Variants in SYNE2 observed in about 807,000 individuals in gnomAD.
SYNE2 encodes nesprin-2.
Under a neutral mutation model 856.3 loss-of-function variants are expected in SYNE2, and 431 were observed. The observed-to-expected ratio is 0.50, with a 90% CI of 0.47 to 0.55. SYNE2 has a LOEUF of 0.55. Among genes scored for constraint, SYNE2 ranks in the 20% least tolerant of loss-of-function variants. The pLI is 0.00. For missense variants in SYNE2, 8,129 were observed against 8,023.2 expected (o/e 1.01, Z -0.50); for synonymous variants, 2,923 against 2,872.3 (o/e 1.02, Z -0.56).
intron 32 of SYNE2, 25 bp from the exon 33 acceptor site, chr14:64,016,444 CAGAA>C: frequency 6.9e-7 from 1 of 1,455,026 alleles, no homozygotes. Flanking sequence ...ATCAAAATAT[CAGAA>C]ATAACTTTCA....
intron 12 of SYNE2, 59 bp from the exon 13 acceptor site, chr14:63,977,845 AC>A: frequency 8.4e-7 from 1 of 1,185,072 alleles, no homozygotes; most frequent in Non-Finnish European, 1.3e-6. Context: ...AGATTGACAA[AC>A]CCTTAATTAC....
At chr14:63,936,112 AT>A (rs1374040235) in intron 2 of SYNE2, among the ~76,000 whole-genome samples, 1 of 152,192 alleles carries the variant, frequency 6.6e-6, no homozygotes, top group African/African-American at 2.4e-5. Flanking sequence ...TGACCTTGTG[AT>A]CCGCCCACCT....
intron 1 of SYNE2, among the ~76,000 whole-genome samples, chr14:63,811,180 A>C (rs1184620512): frequency 2.0e-5 from 3 of 152,090 alleles, no homozygotes; most frequent in Non-Finnish European, 4.4e-5. Context: ...TATTTGCATG[A>C]GTTTAATAAG....
rs372597797 is a variant in SYNE2 at position 64,053,613 on chromosome 14, G to C, written c.9700G>C (p.Glu3234Gln). The change falls in exon 48 of 116, where the codon GAA becomes CAA. Residue 3234 changes from glutamate (E) to glutamine (Q), a missense_variant. By Grantham distance (29) the Glu-to-Gln change is conservative. Coordinates refer to ENST00000555002, the MANE Select transcript of SYNE2 (RefSeq NM_182914.3). ...TGTGGAGACAAAACTACGTGAGTTT[G>C]AAGATCTTCAGATGCAGCTTAACAC... The part of the protein sequence containing the change: ...SDVETKLREF[E>Q]DLQMQLNTSI... The C allele has an allele frequency of 7.3e-5, 118 of 1,613,016 alleles. 3 individuals are homozygous for C. In the South Asian group the frequency reaches 8.4e-4, roughly 11 times the overall value.
At chr14:64,202,057 A>G (rs2098571788) in intron 99 of SYNE2, 2 of 635,636 alleles carry the variant, frequency 3.1e-6, no homozygotes, top group Non-Finnish European at 5.7e-6. Flanking sequence ...AGTTGTACTC[A>G]TGCCATGCGT....
intron 6 of SYNE2, among the ~76,000 whole-genome samples, chr14:63,947,143 C>T (rs1010436901): frequency 6.6e-6 from 1 of 152,156 alleles, no homozygotes; most frequent in Non-Finnish European, 1.5e-5. Context: ...AGCCACCATG[C>T]CTGGCCTGTT....
chr14:63,948,684 A>G (rs1366489634), intron 6 of SYNE2, among the ~76,000 whole-genome samples: 3 of 133,796 alleles, frequency 2.2e-5, no homozygotes, highest in Non-Finnish European at 3.2e-5. Context: ...TTATATATAT[A>G]TGTGTGTATA....
At position 63,886,270 on chromosome 14, in the gene SYNE2, C is replaced by T. The variant is rs371266650; in HGVS notation, c.-51-22828C>T. Among the ~76,000 whole-genome samples the T allele has an allele frequency of 1.1e-3, 164 of 152,216 alleles. 4 individuals are homozygous for T. The South Asian group carries it at 0.034, about 31-fold the overall frequency. On this transcript the variant is annotated intron_variant, in intron 1 of 115. Transcript: ENST00000555002. ...CCCAGGAGTGAGGACCCTAATGTAC[C>T]AACAGGAAGATGTGTGCTTAGGTAA...
intron 65 of SYNE2, among the ~76,000 whole-genome samples, chr14:64,109,276 A>G (rs566129435): frequency 1.5e-4 from 23 of 151,184 alleles, no homozygotes; most frequent in Non-Finnish European, 2.8e-4. Context: ...AATGATGACA[A>G]TAAAGAGAAG....
Position 64,225,433 on chromosome 14 carries a change from CTCCGAAGAAGACTACAGCTGCACTCA to C in SYNE2, c.20632_20657del (p.Ser6878GlyfsTer35). On this transcript the variant is annotated frameshift_variant, in exon 116 of 116. Transcript: ENST00000555002. LOFTEE classifies it high-confidence loss of function. Reference sequence around the variant, plus strand: ...TGCTCCTGGCCTGCCTGCTGCCCTCCTCCGAAGAAGACTACAGCTGCACTCAGGCCAACAACTTTGCCCGGTCCTTT... The same window carrying C: ...TGCTCCTGGCCTGCCTGCTGCCCTCCGGCCAACAACTTTGCCCGGTCCTTT... The C allele has an allele frequency of 6.2e-7, 1 of 1,614,174 alleles. No individual in the cohort carries two copies. Among genetic ancestry groups the C allele is most frequent in the Non-Finnish European group, 8.5e-7 (1 of 1,180,000 alleles).
At chr14:63,834,328 C>T (rs938823858) in intron 1 of SYNE2, among the ~76,000 whole-genome samples, 16 of 151,844 alleles carry the variant, frequency 1.1e-4, no homozygotes, top group African/African-American at 3.6e-4. Context: ...GTACCCCTGC[C>T]CTCCAGCCTG....
chr14:64,083,455 T>C (rs778409567), intron 57 of SYNE2, among the ~76,000 whole-genome samples: 1 of 152,086 alleles, frequency 6.6e-6, no homozygotes, highest in Non-Finnish European at 1.5e-5. Context: ...GCTGGGATTT[T>C]GCTACCTTCT....
intron 85 of SYNE2, among the ~76,000 whole-genome samples, chr14:64,157,195 A>G (rs964588982): frequency 6.6e-6 from 1 of 152,252 alleles, no homozygotes; most frequent in Non-Finnish European, 1.5e-5. Context: ...ATCTCATTAC[A>G]GAACATTTTC....
chr14:63,881,871 G>T lies in SYNE2; in HGVS notation c.-51-27227G>T, dbSNP rs1427294217. Among the ~76,000 whole-genome samples, 4 of 152,266 alleles carry T rather than the reference G, an allele frequency of 2.6e-5. No homozygotes were observed. The East Asian group carries it at 5.8e-4, about 22-fold the overall frequency. ...TGGAACCTGTAACATATTTCTGATT[G>T]ACCAGCCAGATAGACTATTGAATTA... On this transcript the variant is annotated intron_variant, in intron 1 of 115. Transcript: ENST00000555002.
chr14:64,056,022 C>G lies in SYNE2; in HGVS notation c.9823C>G (p.Leu3275Val), dbSNP rs1395273874. The G allele has an allele frequency of 9.3e-6, 15 of 1,613,922 alleles. No homozygotes were observed. The highest frequency in any genetic ancestry group is 1.2e-5 in the Non-Finnish European group (14 of 1,179,956). The change falls in exon 49 of 116, where the codon CTC (leucine) becomes GTC (valine). Residue 3275 changes from leucine to valine, a missense_variant. Around this residue, in one of 3 missense-constraint regions of SYNE2, gnomAD observed 5,410 missense variants for 5,284.8 expected, o/e 1.02. Transcript: ENST00000555002. ...CAGGGCAGTGGAGAGCATCACTTCCCTCGAAGCCATCATTATACCCTACAG... is the reference window on the plus strand; with the variant it reads ...CAGGGCAGTGGAGAGCATCACTTCCGTCGAAGCCATCATTATACCCTACAG... ...VTRAVESITS[L>V]EAIIIPYRVD...
At chr14:63,993,271 G>A (rs192169702) in intron 21 of SYNE2, among the ~76,000 whole-genome samples, 2 of 152,294 alleles carry the variant, frequency 1.3e-5, no homozygotes, top group Admixed American at 6.5e-5. Context: ...TATAATCCCA[G>A]CATTTTGGGA....
intron 35 of SYNE2, among the ~76,000 whole-genome samples, chr14:64,020,377 A>G: frequency 6.6e-6 from 1 of 152,228 alleles, no homozygotes; most frequent in East Asian, 1.9e-4. Context: ...CGTGGATTGG[A>G]CAAGCTTGCC....
rs1306873080 is a variant in SYNE2 at position 64,139,408 on chromosome 14, A to T, written c.14844-533A>T. 1.5e-4 allele frequency among the ~76,000 whole-genome samples: 22 copies of T among 150,010 alleles called. 1 individual carries two copies. The South Asian group carries it at 3.4e-3, about 23-fold the overall frequency. Reference sequence around the variant, plus strand: ...GAATGCTTTAGACTTCCTCATTATTATTATTATTTTTTTTTTTATTTGAGA... The same window carrying T: ...GAATGCTTTAGACTTCCTCATTATTTTTATTATTTTTTTTTTTATTTGAGA... On this transcript the variant is annotated intron_variant, in intron 79 of 115. Transcript: ENST00000555002.
intron 94 of SYNE2, among the ~76,000 whole-genome samples, chr14:64,173,327 G>A (rs979028399): frequency 2.6e-5 from 4 of 152,232 alleles, no homozygotes; most frequent in African/African-American, 2.4e-5. Flanking sequence ...GGAGGAGCAG[G>A]TCTAATACGA....
Sources: allele counts gnomAD v4.1 joint callset (sites outside exome capture counted in the v4.1 genomes callset), GRCh38; gene constraint gnomAD v4.1.1; regional missense constraint gnomAD v4.1.1; transcripts MANE v1.5; gene names NCBI Gene and HGNC (gene_info 2026-07-23, HGNC 2026-07-21).